The following JOSD1 variants were observed in gnomAD, a reference collection of about 807,000 sequenced individuals.
The protein encoded by JOSD1 is Josephin domain containing 1, also known as josephin-1.
In JOSD1, 11 loss-of-function variants were observed where a neutral mutation model predicts 24.3. The ratio of observed to expected loss-of-function variants is 0.45; its 90% CI spans 0.29 to 0.75. JOSD1 has a LOEUF of 0.75. Among genes scored for constraint, JOSD1 ranks in the 30% least tolerant of loss-of-function variants. The probability of loss-of-function intolerance (pLI) is 0.11; values close to 1 mark genes in which losing one functional copy is unlikely to be tolerated. For missense variants in JOSD1, 184 were observed against 253.5 expected, an observed-to-expected ratio of 0.73 and a Z score of 1.86; for synonymous variants, 106 against 93.8, an observed-to-expected ratio of 1.13 and a Z score of -0.75.
At position 38,689,125 on chromosome 22, in the gene JOSD1, C is replaced by T; in HGVS notation, c.319G>A (p.Val107Ile). Reference sequence around the variant, plus strand: ...ACGTTAGTGAGGGCAATGACACCGACATCCCTGCAGGGGAGAAATGGTGGC... The same window carrying T: ...ACGTTAGTGAGGGCAATGACACCGATATCCCTGCAGGGGAGAAATGGTGGC... The part of the protein sequence containing the change: ...EAVWWDKRRD[V>I]GVIALTNVMG... The change falls in exon 4 of 5, where the codon GTC becomes ATC. Residue 107 changes from valine (V) to isoleucine (I), a missense_variant. By Grantham distance (29) the Val-to-Ile change is conservative. Transcript: ENST00000683374. 6.2e-7 allele frequency: 1 copy of T among 1,613,148 alleles called. No individual in the cohort carries two copies.
Position 38,687,860 on chromosome 22 carries a change from G to A in JOSD1, c.*42C>T. 7.4e-7 allele frequency: 1 copy of A among 1,352,372 alleles called. No homozygotes were observed. The highest frequency in any genetic ancestry group is 1.1e-6 in the Non-Finnish European group (1 of 941,478). 83.8% of individuals were successfully genotyped at this position (1,352,372 alleles called of 1,614,324 possible). A position where few individuals can be genotyped will look rare whatever the true frequency, so the allele number is the denominator to read the frequency against. On this transcript the variant is annotated 3_prime_UTR_variant, in exon 5 of 5. Transcript: ENST00000683374. ...TGTAGAGGCCACAGCACGTCACAGAGGACTGAAGGGGCTGAGGCGAGAGGG... is the reference window on the plus strand; with the variant it reads ...TGTAGAGGCCACAGCACGTCACAGAAGACTGAAGGGGCTGAGGCGAGAGGG...
intron 2 of JOSD1, 53 bp downstream of exon 2, chr22:38,699,750 C>G (rs897688761): frequency 6.4e-7 from 1 of 1,562,478 alleles, no homozygotes. Flanking sequence ...CTGCCCCACC[C>G]ACAGAAATCC....
At chr22:38,695,780 G>A (rs189559185) in intron 2 of JOSD1, among the ~76,000 whole-genome samples, 154 of 151,924 alleles carry the variant, frequency 1.0e-3, no homozygotes, top group African/African-American at 3.6e-3. Flanking sequence ...ATCCAAGGCC[G>A]GGCACGGTGG....
chr22:38,700,873 CG>C lies in JOSD1; in HGVS notation c.-706del, dbSNP rs2092566670. On this transcript the variant is annotated 5_prime_UTR_variant, in exon 1 of 5. Transcript: ENST00000683374. Reference sequence around the variant, plus strand: ...CCCCGGCCGCAGACCCCAGGGCCGCCGGGACTGCTCGCCGCTGGCGGTCCCC... The same window carrying C: ...CCCCGGCCGCAGACCCCAGGGCCGCCGGACTGCTCGCCGCTGGCGGTCCCC... The C allele has an allele frequency of 1.0e-6, 1 of 984,288 alleles. No individual in the cohort carries two copies. Among genetic ancestry groups the C allele is most frequent in the Admixed American group, 6.2e-5 (1 of 16,164 alleles). 61.0% of individuals were successfully genotyped at this position (984,288 alleles called of 1,614,324 possible).
At chr22:38,692,781 C>CAAAAAAAAAAAA (rs61214432) in intron 2 of JOSD1, among the ~76,000 whole-genome samples, 206 of 44,368 alleles carry the variant, frequency 4.6e-3, no homozygotes, top group Non-Finnish European at 6.9e-3. Flanking sequence ...AACTCTGTCT[C>CAAAAAAAAAAAA]AAAAAAAAAA....
At chr22:38,697,132 A>G (rs1345377333) in intron 2 of JOSD1, among the ~76,000 whole-genome samples, 4 of 152,180 alleles carry the variant, frequency 2.6e-5, no homozygotes, top group Non-Finnish European at 4.4e-5. Flanking sequence ...CGTTTTCTCT[A>G]TGGTGCCTCA....
At position 38,698,592 on chromosome 22, in the gene JOSD1, C is replaced by T. The variant is rs545407540; in HGVS notation, c.185+1211G>A. Among the ~76,000 whole-genome samples, 74 of 152,254 alleles carry T rather than the reference C, an allele frequency of 4.9e-4. 2 individuals carry two copies. The highest frequency in any genetic ancestry group is 1.6e-3 in the African/African-American group (67 of 41,540). On this transcript the variant is annotated intron_variant, in intron 2 of 4. Coordinates refer to ENST00000683374, the MANE Select transcript of JOSD1 (RefSeq NM_001360236.2). ...GAAGAATGCTTGAGCTTCTCTGCAG[C>T]GAGGACTGCGCGGGCCTAACTACTT... is the stretch of plus-strand genomic sequence containing the variant.
intron 2 of JOSD1, among the ~76,000 whole-genome samples, chr22:38,691,062 A>C (rs1052701153): frequency 7.9e-5 from 12 of 151,704 alleles, no homozygotes; most frequent in African/African-American, 2.9e-4. Context: ...CAAACAAAAC[A>C]AAACAAAACC....
chr22:38,690,225 G>T (rs2092515948), intron 2 of JOSD1, among the ~76,000 whole-genome samples: 1 of 152,114 alleles, frequency 6.6e-6, no homozygotes, highest in African/African-American at 2.4e-5. Flanking sequence ...TTCGTGTGAA[G>T]GGGAGAAAGG....
In JOSD1 at chr22:38,685,578, T is replaced by C. The variant is rs915321473; in HGVS notation, c.*2324A>G. ...ACAGCGTCATACTAAAGTTTATTTT[T>C]CTTTACACAATTATAGAATTCAGGC... On this transcript the variant is annotated 3_prime_UTR_variant, in exon 5 of 5. Coordinates refer to ENST00000683374, the MANE Select transcript of JOSD1 (RefSeq NM_001360236.2). The C allele has an allele frequency of 3.3e-5, 5 of 152,362 alleles. No homozygotes were observed. The highest frequency in any genetic ancestry group is 9.6e-5 in the African/African-American group (4 of 41,458). The allele number at this position is 152,362 out of a possible 1,614,324, so 9.4% of individuals were successfully genotyped here.
chr22:38,691,224 G>C (rs988513715), intron 2 of JOSD1, among the ~76,000 whole-genome samples: 4 of 151,840 alleles, frequency 2.6e-5, no homozygotes, highest in Admixed American at 2.6e-4. Flanking sequence ...AATTAGGCGG[G>C]CATGGTGGCA....
At chr22:38,694,387 GT>G (rs1287381700) in intron 2 of JOSD1, among the ~76,000 whole-genome samples, 1 of 152,132 alleles carries the variant, frequency 6.6e-6, no homozygotes, top group African/African-American at 2.4e-5. Flanking sequence ...CAACACACCA[GT>G]CCCACTGAGT....
At chr22:38,698,887 G>C (rs1010108418) in intron 2 of JOSD1, among the ~76,000 whole-genome samples, 1 of 152,142 alleles carries the variant, frequency 6.6e-6, no homozygotes. Context: ...CTCCCGACTA[G>C]CTGGGACTAC....
intron 4 of JOSD1, among the ~76,000 whole-genome samples, chr22:38,688,553 G>A (rs141066855): frequency 1.0e-3 from 159 of 152,268 alleles, no homozygotes; most frequent in African/African-American, 3.5e-3. Flanking sequence ...GTGAGCAATC[G>A]CCTCTAAAGA....
intron 2 of JOSD1, among the ~76,000 whole-genome samples, chr22:38,693,123 T>TG (rs1425854144): frequency 2.0e-5 from 3 of 152,220 alleles, no homozygotes; most frequent in Admixed American, 6.5e-5. Flanking sequence ...GCAGAATTCT[T>TG]GGAGTCCCTA....
At chr22:38,700,639 C>T (rs1001717765) in intron 1 of JOSD1, 21 bp from the exon 2 acceptor site, 47 of 984,674 alleles carry the variant, frequency 4.8e-5, no homozygotes, top group Non-Finnish European at 4.6e-5. Context: ...GGAGACAACT[C>T]CGGTCAGCGG....
At chr22:38,695,007 A>G (rs528264236) in intron 2 of JOSD1, among the ~76,000 whole-genome samples, 71 of 152,208 alleles carry the variant, frequency 4.7e-4, no homozygotes, top group African/African-American at 1.7e-3. Context: ...TTAATGAAAA[A>G]GGAGATAGGA....
At position 38,688,958 on chromosome 22, in the gene JOSD1, C is replaced by G. The variant is rs2092509944; in HGVS notation, c.486G>C (p.Trp162Cys). The G allele has an allele frequency of 6.2e-7, 1 of 1,614,004 alleles. No individual in the cohort carries two copies. Among genetic ancestry groups the G allele is most frequent in the Non-Finnish European group, 8.5e-7 (1 of 1,179,954 alleles). The change falls in exon 4 of 5, where the codon TGG becomes TGC. Residue 162 changes from tryptophan (W) to cysteine (C), a missense_variant. Coordinates refer to ENST00000683374, the MANE Select transcript of JOSD1 (RefSeq NM_001360236.2). Reference sequence around the variant, plus strand: ...ACCTGAGCTCGCTCTCGCCTCCAATCCACTCGGGCATCTTGAGTTTGGAGT... The same window carrying G: ...ACCTGAGCTCGCTCTCGCCTCCAATGCACTCGGGCATCTTGAGTTTGGAGT... ...NLDSKLKMPEWIGGESELRKF... is the reference protein window; with the variant it reads ...NLDSKLKMPECIGGESELRKF...
intron 2 of JOSD1, among the ~76,000 whole-genome samples, chr22:38,698,059 A>C (rs919609920): frequency 2.0e-5 from 3 of 152,252 alleles, no homozygotes; most frequent in African/African-American, 7.2e-5. Flanking sequence ...GTACTAAGCC[A>C]TTGAGGTACT....
Sources: gnomAD v4.1 joint callset for allele counts (sites outside exome capture counted in the v4.1 genomes callset) on GRCh38, gnomAD v4.1.1 for gene constraint, MANE v1.5 for transcripts, NCBI Gene and HGNC (gene_info 2026-07-23, HGNC 2026-07-21) for gene names.